The following CNTROB variants were observed in gnomAD, a reference collection of about 807,000 sequenced individuals.
CNTROB encodes centrobin.
In CNTROB, 82 loss-of-function variants were observed where a neutral mutation model predicts 115.7. The observed-to-expected ratio is 0.71, with a 90% CI of 0.59 to 0.85. CNTROB has a LOEUF of 0.85. Ranked by LOEUF, CNTROB falls within the 40% of genes least tolerant of loss-of-function variation. The pLI, the probability that CNTROB is intolerant of heterozygous loss-of-function variation, is 0.00. For missense variants in CNTROB, 1,014 were observed against 1,144.4 expected, an observed-to-expected ratio of 0.89 and a Z score of 1.64; for synonymous variants, 439 against 456.4, an observed-to-expected ratio of 0.96 and a Z score of 0.49.
chr17:7,937,997 T>C lies in CNTROB; in HGVS notation c.927+735T>C, dbSNP rs570528365. Among the ~76,000 whole-genome samples the C allele has an allele frequency of 1.5e-3, 182 of 123,758 alleles. 3 individuals carry two copies. The South Asian group carries it at 0.037, about 25-fold the overall frequency. 81.2% of individuals were successfully genotyped at this position (123,758 alleles called of 152,430 possible). A position where few individuals can be genotyped will look rare whatever the true frequency, so the allele number is the denominator to read the frequency against. ...GAAATTGACTAACTCAAGTTTCTTTTCGTGTTTTTTTTTTTTTTTTTTTGA... is the reference window on the plus strand; with the variant it reads ...GAAATTGACTAACTCAAGTTTCTTTCCGTGTTTTTTTTTTTTTTTTTTTGA... On this transcript the variant is annotated intron_variant, in intron 7 of 18. Coordinates refer to ENST00000563694, the MANE Select transcript of CNTROB (RefSeq NM_053051.5).
chr17:7,932,611 A>G lies in CNTROB; in HGVS notation c.-469A>G, dbSNP rs909622153. The stretch of plus-strand genomic sequence containing the variant: ...CCGCCCTCTCTTGAGACTGGAACCA[A>G]TTGAGGGACTAGTAGGGCAGGGGGA... On this transcript the variant is annotated 5_prime_UTR_variant, in exon 1 of 19. Transcript: ENST00000563694. 3 of 164,194 alleles carry G rather than the reference A, an allele frequency of 1.8e-5. No homozygotes were observed. Among genetic ancestry groups the G allele is most frequent in the African/African-American group, 2.4e-5 (1 of 41,650 alleles). 10.2% of individuals were successfully genotyped at this position (164,194 alleles called of 1,614,324 possible). A position where few individuals can be genotyped will look rare whatever the true frequency, so the allele number is the denominator to read the frequency against.
chr17:7,934,668 C>A, intron 3 of CNTROB, 122 bp downstream of exon 3: 1 of 876,442 alleles, frequency 1.1e-6, no homozygotes, highest in Non-Finnish European at 1.8e-6. Flanking sequence ...TATCACTTGC[C>A]TTTCAGTTTT....
rs781319152 is a variant in CNTROB at position 7,936,464 on chromosome 17, G to A, written c.693G>A (p.Met231Ile). The A allele has an allele frequency of 7.4e-5, 107 of 1,449,136 alleles. No individual in the cohort carries two copies. Among genetic ancestry groups the A allele is most frequent in the Middle Eastern group, 5.2e-4 (3 of 5,768 alleles). The allele number at this position is 1,449,136 out of a possible 1,614,324, so 89.8% of individuals were successfully genotyped here. Residue 231 changes from methionine to isoleucine, a missense_variant, in exon 5 of 19, where the codon ATG (methionine) becomes ATA (isoleucine). By Grantham distance (10) the Met-to-Ile change is conservative. Coordinates refer to ENST00000563694, the MANE Select transcript of CNTROB (RefSeq NM_053051.5). The stretch of plus-strand genomic sequence containing the variant: ...CTGCCGACCGCAAGAAAGATACCAT[G>A]ATTGAACAACTGGACAAGGTACCAG... The part of the protein sequence containing the change: ...AVAADRKKDT[M>I]IEQLDKTLAR...
At chr17:7,936,252 T>C (rs755743931) in intron 4 of CNTROB, 114 bp from the exon 5 acceptor site, 2 of 732,020 alleles carry the variant, frequency 2.7e-6, no homozygotes, top group South Asian at 3.0e-5. Flanking sequence ...ATTCTGTTCT[T>C]GGGACCCAAG....
chr17:7,949,295 C>A (rs62062544), intron 18 of CNTROB, 90 bp from the exon 19 acceptor site: 1 of 1,591,622 alleles, frequency 6.3e-7, no homozygotes, highest in Non-Finnish European at 8.6e-7. Flanking sequence ...GCAGACTCAT[C>A]TGGCCCTCTC....
At chr17:7,946,296 G>C (rs1974528742) in intron 13 of CNTROB, among the ~76,000 whole-genome samples, 1 of 152,164 alleles carries the variant, frequency 6.6e-6, no homozygotes, top group Admixed American at 6.5e-5. Flanking sequence ...CTGCACATCT[G>C]CTCTTTTTTC....
intron 3 of CNTROB, 39 bp from the exon 4 acceptor site, chr17:7,934,950 G>A (rs549457421): frequency 6.5e-7 from 1 of 1,529,146 alleles, no homozygotes; most frequent in African/African-American, 1.4e-5. Context: ...GATTCCAAAA[G>A]CTTTCCCAGC....
rs527270509 is a variant in CNTROB at position 7,932,410 on chromosome 17, CT to C, written c.-668del. 1.5e-3 allele frequency: 237 copies of C among 161,142 alleles called. No individual in the cohort carries two copies. The highest frequency in any genetic ancestry group is 6.3e-3 in the Middle Eastern group (2 of 318). 10.0% of individuals were successfully genotyped at this position (161,142 alleles called of 1,614,324 possible). On this transcript the variant is annotated 5_prime_UTR_variant, in exon 1 of 19. Coordinates refer to ENST00000563694, the MANE Select transcript of CNTROB (RefSeq NM_053051.5). ...AGGGCGGCGTGCTTCTTAGGGACGA[CT>C]TAGGGCGTGACTGAGGGTTCACAAG...
intron 18 of CNTROB, 91 bp from the exon 19 acceptor site, chr17:7,949,294 T>C: frequency 6.3e-7 from 1 of 1,592,046 alleles, no homozygotes; most frequent in Non-Finnish European, 8.6e-7. Flanking sequence ...TGCAGACTCA[T>C]CTGGCCCTCT....
chr17:7,939,812 T>G lies in CNTROB; in HGVS notation c.1164+63T>G. Reference sequence around the variant, plus strand: ...GTAGATGAAGGGCAAAATAATTGAATGGGATGGAATGTTAGAATATGGGGG... The same window carrying G: ...GTAGATGAAGGGCAAAATAATTGAAGGGGATGGAATGTTAGAATATGGGGG... On this transcript the variant is annotated intron_variant, in intron 8 of 18. Transcript: ENST00000563694. This position sits in a 1 kb window ranked among gnomAD's most constrained non-coding sequence, Gnocchi z 4.4. 1 of 1,433,800 alleles carries G rather than the reference T, an allele frequency of 7.0e-7. No individual in the cohort carries two copies. Among genetic ancestry groups the G allele is most frequent in the Non-Finnish European group, 9.8e-7 (1 of 1,019,946 alleles). The allele number at this position is 1,433,800 out of a possible 1,614,324, so 88.8% of individuals were successfully genotyped here.
At position 7,934,999 on chromosome 17, in the gene CNTROB, C is replaced by A; in HGVS notation, c.448C>A (p.Leu150Met). The part of the protein sequence containing the change: ...STATLLNTRP[L>M]QDLSPSSSAQ... ...ACCTGATTTGCTCAGCACCCGGCCC[C>A]TGCAAGACTTGTCTCCATCTAGCTC... is the stretch of plus-strand genomic sequence containing the variant. The change falls in exon 4 of 19, where the codon CTG (leucine) becomes ATG (methionine). Residue 150 changes from leucine (L) to methionine (M), a missense_variant. By Grantham distance (15) the Leu-to-Met change is conservative (BLOSUM62 2). Coordinates refer to ENST00000563694, the MANE Select transcript of CNTROB (RefSeq NM_053051.5). The A allele has an allele frequency of 6.2e-7, 1 of 1,600,480 alleles. No homozygotes were observed. The highest frequency in any genetic ancestry group is 8.5e-7 in the Non-Finnish European group (1 of 1,172,452).
Position 7,948,805 on chromosome 17 carries a change from T to C in CNTROB, c.2513+186T>C. ...CTTTTCTTTTATCTCCTCCTTTCTATTGCTTTTTTCTTCTAAACAAAAAAA... is the reference window on the plus strand; with the variant it reads ...CTTTTCTTTTATCTCCTCCTTTCTACTGCTTTTTTCTTCTAAACAAAAAAA... On this transcript the variant is annotated intron_variant, in intron 17 of 18. Transcript: ENST00000563694. This position sits in a 1 kb window ranked among gnomAD's most constrained non-coding sequence, Gnocchi z 4.4. The C allele has an allele frequency of 3.4e-6, 5 of 1,486,006 alleles. No individual in the cohort carries two copies. Among genetic ancestry groups the C allele is most frequent in the African/African-American group, 2.8e-5 (2 of 70,794 alleles). 92.1% of individuals were successfully genotyped at this position (1,486,006 alleles called of 1,614,324 possible).
chr17:7,942,895 A>T (rs975495446), intron 9 of CNTROB, among the ~76,000 whole-genome samples: 2 of 129,426 alleles, frequency 1.5e-5, no homozygotes, highest in African/African-American at 2.9e-5. Context: ...TCCGCCTCCC[A>T]GGTTCATGCC....
At chr17:7,941,254 T>A (rs1392153784) in intron 9 of CNTROB, among the ~76,000 whole-genome samples, 1 of 152,188 alleles carries the variant, frequency 6.6e-6, no homozygotes, top group Non-Finnish European at 1.5e-5. Context: ...GAGGCTATGT[T>A]CCTTATAAAT....
chr17:7,948,371 C>G lies in CNTROB; in HGVS notation c.2380+44C>G. ...ATTAGGGAAAAAAGGAGGGACAGTCCTGAGTGTGGATCCAGTACAGGCACT... is the reference window on the plus strand; with the variant it reads ...ATTAGGGAAAAAAGGAGGGACAGTCGTGAGTGTGGATCCAGTACAGGCACT... On this transcript the variant is annotated intron_variant, in intron 16 of 18. Transcript: ENST00000563694. This position sits in a 1 kb window ranked among gnomAD's most constrained non-coding sequence, Gnocchi z 4.4. 5 of 1,611,464 alleles carry G rather than the reference C, an allele frequency of 3.1e-6. No homozygotes were observed. Among genetic ancestry groups the G allele is most frequent in the Non-Finnish European group, 4.2e-6 (5 of 1,177,662 alleles).
intron 14 of CNTROB, 82 bp downstream of exon 14, chr17:7,947,804 T>C: frequency 6.2e-7 from 1 of 1,606,086 alleles, no homozygotes; most frequent in East Asian, 2.2e-5. Flanking sequence ...TCCAGGACTC[T>C]GGCCTCATTC....
chr17:7,939,655 AAGAACGGC>A lies in CNTROB; in HGVS notation c.1074_1081del (p.Glu358AspfsTer10). The A allele has an allele frequency of 6.2e-7, 1 of 1,614,142 alleles. No homozygotes were observed. The highest frequency in any genetic ancestry group is 8.5e-7 in the Non-Finnish European group (1 of 1,180,030). On this transcript the variant is annotated frameshift_variant, in exon 8 of 19. Transcript: ENST00000563694. LOFTEE classifies it high-confidence loss of function. This position sits in a 1 kb window ranked among gnomAD's most constrained non-coding sequence, Gnocchi z 4.4. ...GAGACTCTTCGGGCTGCCCTAGAAG[AAGAACGGC>A]AGACCTGGGCCCAGCAAGAGCACCA...
In CNTROB at chr17:7,943,957, A is replaced by G. The variant is rs1974213012; in HGVS notation, c.1446-166A>G. ...TTATTTAAGTCTCTGCTTCTGAGGAACCCATCCTAAGACCCCAGCTTTGTC... is the reference window on the plus strand; with the variant it reads ...TTATTTAAGTCTCTGCTTCTGAGGAGCCCATCCTAAGACCCCAGCTTTGTC... On this transcript the variant is annotated intron_variant, in intron 10 of 18. Coordinates refer to ENST00000563694, the MANE Select transcript of CNTROB (RefSeq NM_053051.5). This position sits in a 1 kb window ranked among gnomAD's most constrained non-coding sequence, Gnocchi z 4.7. Among the ~76,000 whole-genome samples, 1 of 151,946 alleles carries G rather than the reference A, an allele frequency of 6.6e-6. No homozygotes were observed. Among genetic ancestry groups the G allele is most frequent in the Non-Finnish European group, 1.5e-5 (1 of 67,970 alleles).
At chr17:7,947,523 TC>T in intron 13 of CNTROB, 47 bp from the exon 14 acceptor site, 1 of 1,508,766 alleles carries the variant, frequency 6.6e-7, no homozygotes, top group Admixed American at 2.1e-5. Context: ...AGAAGCCCCT[TC>T]CCCCCTGAAC....
Sources: gnomAD v4.1 joint callset for allele counts (sites outside exome capture counted in the v4.1 genomes callset) on GRCh38, gnomAD v4.1.1 for gene constraint, Gnocchi (gnomAD v3.1) non-coding constraint, MANE v1.5 for transcripts, NCBI Gene and HGNC (gene_info 2026-07-23, HGNC 2026-07-21) for gene names.